The following RFX8 variants were observed in gnomAD, a reference collection of about 807,000 sequenced individuals.
RFX8 encodes regulatory factor X8.
In RFX8, 46 loss-of-function variants were observed where a neutral mutation model predicts 54.6. The ratio of observed to expected loss-of-function variants is 0.84; its 90% CI spans 0.67 to 1.08. RFX8 has a LOEUF of 1.08. Among genes scored for constraint, RFX8 ranks in the 50% least tolerant of loss-of-function variants. The pLI is 0.00. For missense variants in RFX8, 536 were observed against 562.3 expected (o/e 0.95, Z 0.47); for synonymous variants, 192 against 209.5 (o/e 0.92, Z 0.72).
At chr2:101,469,194 A>T (rs914283647) in intron 1 of RFX8, among the ~76,000 whole-genome samples, 6 of 144,644 alleles carry the variant, frequency 4.1e-5, no homozygotes, top group Non-Finnish European at 7.5e-5. Context: ...AGAGAGAGAG[A>T]CTCCCTCTGG....
At chr2:101,401,054 C>T (rs1200363731) in intron 11 of RFX8, among the ~76,000 whole-genome samples, 1 of 152,216 alleles carries the variant, frequency 6.6e-6, no homozygotes, top group African/African-American at 2.4e-5. Context: ...TGTTTCGCTG[C>T]TGCATCCTTC....
At chr2:101,461,913 C>A (rs1466529143) in intron 2 of RFX8, among the ~76,000 whole-genome samples, 3 of 151,964 alleles carry the variant, frequency 2.0e-5, no homozygotes, top group Non-Finnish European at 4.4e-5. Flanking sequence ...TAATTTTTAC[C>A]CAGCAAGTTT....
intron 2 of RFX8, among the ~76,000 whole-genome samples, chr2:101,455,530 G>C (rs146486481): frequency 0.01 from 1,537 of 152,280 alleles, 32 homozygotes; most frequent in African/African-American, 0.035. Context: ...GGTTGTAGAT[G>C]TGTGGTGTTA....
chr2:101,406,139 T>A (rs1480921143), intron 9 of RFX8, 82 bp from the exon 10 acceptor site: 5 of 730,396 alleles, frequency 6.8e-6, no homozygotes, highest in Non-Finnish European at 1.1e-5. Flanking sequence ...CACACATTTG[T>A]CATGCACACG....
intron 6 of RFX8, among the ~76,000 whole-genome samples, chr2:101,416,187 T>A (rs950438224): frequency 2.3e-5 from 3 of 132,618 alleles, no homozygotes; most frequent in African/African-American, 8.5e-5. Flanking sequence ...GGAGGGAGTG[T>A]GGCTGGGGAG....
At chr2:101,473,257 C>T (rs1690111355) in intron 1 of RFX8, among the ~76,000 whole-genome samples, 2 of 152,176 alleles carry the variant, frequency 1.3e-5, no homozygotes, top group South Asian at 4.1e-4. Flanking sequence ...CTCTAATTTA[C>T]TAAATGGCGA....
At chr2:101,432,241 A>G (rs1046974253) in intron 2 of RFX8, among the ~76,000 whole-genome samples, 9 of 152,172 alleles carry the variant, frequency 5.9e-5, no homozygotes, top group African/African-American at 1.9e-4. Context: ...GCCTCTGCAA[A>G]CAAAGAACCA....
At chr2:101,431,697 A>G (rs1392337603) in intron 2 of RFX8, among the ~76,000 whole-genome samples, 2 of 152,198 alleles carry the variant, frequency 1.3e-5, no homozygotes, top group Non-Finnish European at 2.9e-5. Context: ...CTAATGAGTA[A>G]TGCTCATTAC....
intron 9 of RFX8, among the ~76,000 whole-genome samples, chr2:101,406,449 A>G (rs1383545970): frequency 7.3e-6 from 1 of 136,106 alleles, no homozygotes; most frequent in African/African-American, 2.7e-5. Flanking sequence ...TTCCCATCTC[A>G]GCCTCCTGAG....
chr2:101,470,709 CTTTTTTTTTTTT>C (rs537834632), intron 1 of RFX8, among the ~76,000 whole-genome samples: 31 of 105,542 alleles, frequency 2.9e-4, no homozygotes, highest in South Asian at 6.4e-4. Flanking sequence ...TCTGAGTACT[CTTTTTTTTTTTT>C]TTTTTTTTTT....
At position 101,445,066 on chromosome 2, in the gene RFX8, TAA is replaced by T. The variant is rs1251993584; in HGVS notation, c.72+21709_72+21710del. ...GTGTGCTGCTGCTTCTTGGGAGAAT[TAA>T]AGTTATTTAAGTCATTCATCTCAAT... On this transcript the variant is annotated intron_variant, in intron 2 of 11. Coordinates refer to ENST00000428343, the MANE Select transcript of RFX8 (RefSeq NM_001145664.2). Among the ~76,000 whole-genome samples the T allele has an allele frequency of 2.0e-5, 3 of 152,254 alleles. No homozygotes were observed. The East Asian group carries it at 5.8e-4, about 29-fold the overall frequency.
chr2:101,474,524 C>T (rs577840466), intron 1 of RFX8, 112 bp downstream of exon 1: 18 of 322,140 alleles, frequency 5.6e-5, no homozygotes, highest in East Asian at 3.9e-4. Context: ...GCGCGGACCC[C>T]GCCCTGCATC....
chr2:101,454,005 T>C (rs1423691033), intron 2 of RFX8, among the ~76,000 whole-genome samples: 3 of 152,160 alleles, frequency 2.0e-5, no homozygotes, highest in Non-Finnish European at 4.4e-5. Context: ...CCCATCAACT[T>C]GTCATTTACA....
intron 8 of RFX8, among the ~76,000 whole-genome samples, chr2:101,412,331 C>A (rs776117889): frequency 1.3e-5 from 2 of 152,166 alleles, no homozygotes; most frequent in African/African-American, 4.8e-5. Context: ...CAGCCAGCAA[C>A]GCAAGCTCTT....
chr2:101,466,833 C>G lies in RFX8; in HGVS notation c.16G>C (p.Val6Leu). 6.4e-7 allele frequency: 1 copy of G among 1,551,534 alleles called. No homozygotes were observed. Among genetic ancestry groups the G allele is most frequent in the Non-Finnish European group, 8.7e-7 (1 of 1,146,812 alleles). MYEIYVETCGQNTENQ... is the reference protein window; with the variant it reads MYEIYLETCGQNTENQ... The stretch of plus-strand genomic sequence containing the variant: ...TCAGTGTTTTGCCCACAGGTCTCCA[C>G]GTAAATCTCATACATGAGACAGCGA... Residue 6 changes from valine to leucine, a missense_variant, in exon 2 of 12, where the codon GTG becomes CTG. By Grantham distance (32) the Val-to-Leu change is conservative. Coordinates refer to ENST00000428343, the MANE Select transcript of RFX8 (RefSeq NM_001145664.2).
intron 2 of RFX8, among the ~76,000 whole-genome samples, chr2:101,430,089 A>G (rs1036515991): frequency 3.9e-5 from 6 of 152,226 alleles, no homozygotes; most frequent in Non-Finnish European, 8.8e-5. Flanking sequence ...CAGGGTCTGG[A>G]CACGAACCCA....
chr2:101,448,438 C>G (rs1688508031), intron 2 of RFX8, among the ~76,000 whole-genome samples: 1 of 152,210 alleles, frequency 6.6e-6, no homozygotes, highest in Non-Finnish European at 1.5e-5. Context: ...TGCACTCCTG[C>G]CTCCTTCTCC....
chr2:101,474,328 G>C (rs1690185818), intron 1 of RFX8: 1 of 462,870 alleles, frequency 2.2e-6, no homozygotes, highest in African/African-American at 2.1e-5. Flanking sequence ...GCGGCCGTGG[G>C]CGGCGCTGGG....
At chr2:101,471,596 G>C (rs534207042) in intron 1 of RFX8, among the ~76,000 whole-genome samples, 1 of 152,308 alleles carries the variant, frequency 6.6e-6, no homozygotes, top group African/African-American at 2.4e-5. Flanking sequence ...GAAACCAGGG[G>C]TCAGACCTGC....
Sources: allele counts gnomAD v4.1 joint callset (sites outside exome capture counted in the v4.1 genomes callset), GRCh38; gene constraint gnomAD v4.1.1; transcripts MANE v1.5; gene names NCBI Gene and HGNC (gene_info 2026-07-23, HGNC 2026-07-21).